Variants in GALNTL6 observed in about 807,000 individuals in gnomAD.
GALNTL6 encodes the protein polypeptide N-acetylgalactosaminyltransferase-like 6.
GALNTL6 carries 46 observed loss-of-function variants against 73.7 expected under a neutral mutation model. That is an observed-to-expected ratio of 0.62 (90% CI 0.49 to 0.80). GALNTL6 has a LOEUF of 0.80. Ranked by LOEUF, GALNTL6 falls within the 30% of genes least tolerant of loss-of-function variation. The probability of loss-of-function intolerance (pLI) is 0.00; values close to 1 mark genes in which losing one functional copy is unlikely to be tolerated. For synonymous variants in GALNTL6, 259 were observed against 263.7 expected, an observed-to-expected ratio of 0.98 and a Z score of 0.17; for missense variants, 604 against 755.0, an observed-to-expected ratio of 0.80 and a Z score of 2.34.
rs572587212 is a variant in GALNTL6, at chr4:172,715,988, C to A, written c.554-93373C>A. Among the ~76,000 whole-genome samples, 3 of 152,280 alleles carry A rather than the reference C, an allele frequency of 2.0e-5. No individual in the cohort carries two copies. The South Asian group carries it at 6.2e-4, about 32-fold the overall frequency. ...TTATCTATAGACTGGCGTTCAGATGCTGTGAATGGTAATGAGAGAGATCAC... is the reference window on the plus strand; with the variant it reads ...TTATCTATAGACTGGCGTTCAGATGATGTGAATGGTAATGAGAGAGATCAC... On this transcript the variant is annotated intron_variant, in intron 5 of 12. Transcript: ENST00000506823.
intron 5 of GALNTL6, among the ~76,000 whole-genome samples, chr4:172,778,065 C>T (rs750009859): frequency 1.3e-5 from 2 of 152,252 alleles, no homozygotes; most frequent in Non-Finnish European, 2.9e-5. Context: ...CACAAAAAGG[C>T]ATTCCATAAA....
At chr4:172,768,639 T>C (rs940874716) in intron 5 of GALNTL6, among the ~76,000 whole-genome samples, 5 of 152,172 alleles carry the variant, frequency 3.3e-5, no homozygotes, top group African/African-American at 9.7e-5. Context: ...TTCTTGGACT[T>C]GTGGTGCCAC....
At chr4:172,713,560 G>A (rs1038687709) in intron 5 of GALNTL6, among the ~76,000 whole-genome samples, 2 of 152,062 alleles carry the variant, frequency 1.3e-5, no homozygotes, top group East Asian at 1.9e-4. Flanking sequence ...AAGCACCATC[G>A]CAGGGTACTG....
At chr4:172,966,330 G>A (rs973645457) in intron 10 of GALNTL6, among the ~76,000 whole-genome samples, 1 of 151,654 alleles carries the variant, frequency 6.6e-6, no homozygotes, top group Non-Finnish European at 1.5e-5. Flanking sequence ...GAATAGCGCA[G>A]CCAATTAAAA....
chr4:172,560,204 G>A (rs1463302953), intron 5 of GALNTL6, among the ~76,000 whole-genome samples: 1 of 152,124 alleles, frequency 6.6e-6, no homozygotes. Flanking sequence ...GTGGCCAAGC[G>A]TGATGGTTCA....
chr4:172,178,101 G>T (rs927282198), intron 2 of GALNTL6, among the ~76,000 whole-genome samples: 2 of 151,800 alleles, frequency 1.3e-5, no homozygotes, highest in African/African-American at 2.4e-5. Context: ...ACTTAAACTG[G>T]CACTGTAACT....
chr4:172,296,569 G>C (rs187703930), intron 3 of GALNTL6, among the ~76,000 whole-genome samples: 1,991 of 152,052 alleles, frequency 0.013, 16 homozygotes, highest in Middle Eastern at 0.024. Flanking sequence ...GTGTCCATGT[G>C]TTCTCATTGT....
At chr4:172,711,929 G>C (rs1019646272) in intron 5 of GALNTL6, among the ~76,000 whole-genome samples, 4 of 152,186 alleles carry the variant, frequency 2.6e-5, no homozygotes, top group African/African-American at 7.2e-5. Flanking sequence ...GCAGGAGCAA[G>C]AGCAGCAAGG....
chr4:172,269,422 T>C lies in GALNTL6; in HGVS notation c.247+39658T>C, dbSNP rs1251641382. Among the ~76,000 whole-genome samples, 7 of 152,096 alleles carry C rather than the reference T, an allele frequency of 4.6e-5. No individual in the cohort carries two copies. In the South Asian group the frequency reaches 6.2e-4, roughly 14 times the overall value. ...ACTTTGCTGATGCTGAAAGAATAGA[T>C]GGCAAGTTATTCCAGCAGTGACCAC... On this transcript the variant is annotated intron_variant, in intron 3 of 12. Transcript: ENST00000506823.
At chr4:172,912,368 G>T (rs1225318420) in intron 8 of GALNTL6, among the ~76,000 whole-genome samples, 1 of 152,222 alleles carries the variant, frequency 6.6e-6, no homozygotes, top group Non-Finnish European at 1.5e-5. Flanking sequence ...ACTGGGACTT[G>T]TTGGACAGTG....
At chr4:173,020,901 C>T (rs1018955116) in intron 11 of GALNTL6, among the ~76,000 whole-genome samples, 1 of 152,068 alleles carries the variant, frequency 6.6e-6, no homozygotes, top group Non-Finnish European at 1.5e-5. Flanking sequence ...GGTGAAACCC[C>T]GTCTCTACTA....
intron 5 of GALNTL6, among the ~76,000 whole-genome samples, chr4:172,792,648 A>G (rs1740058903): frequency 6.8e-6 from 1 of 147,592 alleles, no homozygotes; most frequent in South Asian, 2.1e-4. Flanking sequence ...TGGATTCACG[A>G]TTCACATGAC....
In GALNTL6 at chr4:172,271,306, A is replaced by G. The variant is rs1738641293; in HGVS notation, c.248-40308A>G. 2.0e-5 allele frequency among the ~76,000 whole-genome samples: 3 copies of G among 152,176 alleles called. 1 individual carries two copies. The South Asian group carries it at 6.2e-4, about 32-fold the overall frequency. ...TGTATTAACTGCTATAGAAGAATAT[A>G]TGTAAATTCAAGAAATGTCCATTCT... On this transcript the variant is annotated intron_variant, in intron 3 of 12. Coordinates refer to ENST00000506823, the MANE Select transcript of GALNTL6 (RefSeq NM_001034845.3).
chr4:172,644,534 A>G (rs148489922), intron 5 of GALNTL6, among the ~76,000 whole-genome samples: 18 of 152,088 alleles, frequency 1.2e-4, no homozygotes, highest in African/African-American at 4.3e-4. Context: ...AGACTCGCCA[A>G]TACATGGAGA....
At chr4:172,056,154 A>T (rs1440008119) in intron 2 of GALNTL6, among the ~76,000 whole-genome samples, 1 of 152,146 alleles carries the variant, frequency 6.6e-6, no homozygotes, top group Non-Finnish European at 1.5e-5. Context: ...TTAACGAAAA[A>T]AATGCTGCCA....
At chr4:172,400,464 G>A (rs912879049) in intron 5 of GALNTL6, among the ~76,000 whole-genome samples, 1 of 152,086 alleles carries the variant, frequency 6.6e-6, no homozygotes, top group Non-Finnish European at 1.5e-5. Flanking sequence ...AATACTTGTG[G>A]TCTCACAGAT....
intron 5 of GALNTL6, among the ~76,000 whole-genome samples, chr4:172,543,427 C>A (rs1004641897): frequency 3.3e-5 from 5 of 152,144 alleles, no homozygotes; most frequent in Non-Finnish European, 5.9e-5. Flanking sequence ...GGCTCCTGTG[C>A]GCCCATGCAA....
rs1554015246 is a variant in GALNTL6, at chr4:172,339,257, C to CCACACACACACTCACA, written c.387-9255_387-9254insTCACACACACACACAC. 8.8e-4 allele frequency among the ~76,000 whole-genome samples: 107 copies of CCACACACACACTCACA among 121,004 alleles called. 1 individual carries two copies. The highest frequency in any genetic ancestry group is 1.0e-3 in the Non-Finnish European group (60 of 58,762). The allele number at this position is 121,004 out of a possible 152,430, so 79.4% of individuals were successfully genotyped here. A position where few individuals can be genotyped will look rare whatever the true frequency, so the allele number is the denominator to read the frequency against. ...GGCACCCAGCAAACACACACACACACCACACACACACACACACACACACAC... is the reference window on the plus strand; with the variant it reads ...GGCACCCAGCAAACACACACACACACCACACACACACTCACACACACACACACACACACACACACAC... On this transcript the variant is annotated intron_variant, in intron 4 of 12. Transcript: ENST00000506823.
At chr4:172,256,043 G>A (rs1036231994) in intron 3 of GALNTL6, among the ~76,000 whole-genome samples, 3 of 151,342 alleles carry the variant, frequency 2.0e-5, no homozygotes, top group Non-Finnish European at 4.4e-5. Flanking sequence ...AAATCATAAG[G>A]TATATGTTGA....
Sources: gnomAD v4.1 joint callset for allele counts (sites outside exome capture counted in the v4.1 genomes callset) on GRCh38, gnomAD v4.1.1 for gene constraint, MANE v1.5 for transcripts, NCBI Gene and HGNC (gene_info 2026-07-23, HGNC 2026-07-21) for gene names.